The following SCRN1 variants were observed in gnomAD, a reference collection of about 807,000 sequenced individuals.
The protein encoded by SCRN1 is secernin 1.
SCRN1 carries 19 observed loss-of-function variants against 43.3 expected under a neutral mutation model. The observed-to-expected ratio is 0.44, with a 90% CI of 0.31 to 0.64. The LOEUF is 0.64. Among genes scored for constraint, SCRN1 ranks in the 30% least tolerant of loss-of-function variants. The probability of loss-of-function intolerance (pLI) is 0.09; values close to 1 mark genes in which losing one functional copy is unlikely to be tolerated. For synonymous variants in SCRN1, 183 were observed against 188.9 expected (o/e 0.97, Z 0.26); for missense variants, 447 against 524.1 (o/e 0.85, Z 1.44).
At chr7:29,968,884 C>T in intron 2 of SCRN1, 25 bp downstream of exon 2, 1 of 1,613,352 alleles carries the variant, frequency 6.2e-7, no homozygotes, top group Non-Finnish European at 8.5e-7. Flanking sequence ...GAGTGTGACT[C>T]GCGAGACTGC....
chr7:29,971,198 G>A (rs1434839548), intron 1 of SCRN1, among the ~76,000 whole-genome samples: 2 of 152,208 alleles, frequency 1.3e-5, no homozygotes, highest in Admixed American at 6.5e-5. Context: ...TGTGTGACCT[G>A]CTTAAGTCAC....
intron 1 of SCRN1, among the ~76,000 whole-genome samples, chr7:29,981,335 A>G (rs1562824434): frequency 1.3e-5 from 2 of 152,214 alleles, no homozygotes; most frequent in Non-Finnish European, 2.9e-5. Flanking sequence ...TACAAGCACT[A>G]TGTTCAACTG....
upstream of SCRN1, chr7:29,989,953 G>A (rs984959162): frequency 5.5e-5 from 75 of 1,357,988 alleles, no homozygotes; most frequent in South Asian, 1.1e-3. Flanking sequence ...CGTCGAGTAG[G>A]GAGGGGGCCT....
intron 2 of SCRN1, among the ~76,000 whole-genome samples, chr7:29,961,692 CA>C (rs1444888013): frequency 2.8e-4 from 42 of 152,008 alleles, no homozygotes; most frequent in African/African-American, 6.0e-4. Flanking sequence ...GCTGGCCGGG[CA>C]GAGGGGCTCT....
intron 3 of SCRN1, among the ~76,000 whole-genome samples, chr7:29,951,967 G>A (rs375114401): frequency 6.6e-6 from 1 of 152,322 alleles, no homozygotes; most frequent in East Asian, 1.9e-4. Flanking sequence ...GCCCTTGAAA[G>A]AGCATGTGAA....
rs767568829 is a variant in SCRN1 at position 29,924,229 on chromosome 7, C to T, written c.1087-114G>A. ...TTCCTGCTCAAGGTCCTGTCCTCCC[C>T]ACACTCCGTTTCACACACGACTGCC... is the stretch of plus-strand genomic sequence containing the variant. On this transcript the variant is annotated intron_variant, in intron 7 of 7. Coordinates refer to ENST00000242059, the MANE Select transcript of SCRN1 (RefSeq NM_014766.5). 11 of 1,012,854 alleles carry T rather than the reference C, an allele frequency of 1.1e-5. No individual in the cohort carries two copies. In the South Asian group the frequency reaches 1.1e-4, roughly 11 times the overall value. 62.7% of individuals were successfully genotyped at this position (1,012,854 alleles called of 1,614,324 possible).
At chr7:29,944,476 C>T (rs188235061) in intron 3 of SCRN1, among the ~76,000 whole-genome samples, 82 of 152,068 alleles carry the variant, frequency 5.4e-4, no homozygotes, top group African/African-American at 2.0e-3. Context: ...GCCTGGGCAA[C>T]ATAGCGAGAC....
intron 1 of SCRN1, among the ~76,000 whole-genome samples, chr7:29,981,875 C>T (rs190983387): frequency 1.3e-4 from 20 of 152,222 alleles, no homozygotes; most frequent in African/African-American, 4.3e-4. Context: ...CATGCCTAAG[C>T]GATGTTGAGA....
intron 6 of SCRN1, among the ~76,000 whole-genome samples, chr7:29,935,984 T>C (rs1464495699): frequency 6.6e-6 from 1 of 152,236 alleles, no homozygotes; most frequent in Non-Finnish European, 1.5e-5. Context: ...TTTTAGAGGC[T>C]GCATTCTTCA....
At chr7:29,975,031 C>T (rs150854734) in intron 1 of SCRN1, among the ~76,000 whole-genome samples, 18 of 152,272 alleles carry the variant, frequency 1.2e-4, no homozygotes, top group African/African-American at 4.1e-4. Context: ...ACACAAGAAA[C>T]TGGCTTTAAG....
rs548170856 is a variant in SCRN1 at position 29,950,549 on chromosome 7, G to A, written c.341+4630C>T. On this transcript the variant is annotated intron_variant, in intron 3 of 7. Transcript: ENST00000242059. This position sits in a 1 kb window ranked among gnomAD's most constrained non-coding sequence, Gnocchi z 4.5. ...GCCCGGAGGCTGGTCTGCTAGTTCC[G>A]GGTGGAGTACGCAGCCCAGAGTGAG... Among the ~76,000 whole-genome samples the A allele has an allele frequency of 6.8e-4, 104 of 152,328 alleles. 1 individual carries two copies. The South Asian group carries it at 0.019, about 28-fold the overall frequency.
intron 2 of SCRN1, among the ~76,000 whole-genome samples, chr7:29,959,872 C>T (rs1788249343): frequency 6.6e-6 from 1 of 151,108 alleles, no homozygotes; most frequent in South Asian, 2.1e-4. Context: ...ACTTCTGACT[C>T]CATACAAGAC....
intron 5 of SCRN1, among the ~76,000 whole-genome samples, chr7:29,937,047 A>G (rs1787363677): frequency 1.3e-5 from 2 of 151,946 alleles, no homozygotes; most frequent in African/African-American, 4.8e-5. Flanking sequence ...CTCTGTCTCA[A>G]AAAAACAAAC....
intron 1 of SCRN1, among the ~76,000 whole-genome samples, chr7:29,975,654 G>A (rs1788805974): frequency 2.0e-5 from 3 of 152,224 alleles, no homozygotes; most frequent in Admixed American, 2.0e-4. Flanking sequence ...ATGTTGAGAT[G>A]TAACATTTCT....
chr7:29,957,053 G>A (rs1788160453), intron 2 of SCRN1, among the ~76,000 whole-genome samples: 1 of 152,118 alleles, frequency 6.6e-6, no homozygotes, highest in African/African-American at 2.4e-5. Flanking sequence ...TGAGTAAATA[G>A]GAAAAGAATC....
intron 3 of SCRN1, among the ~76,000 whole-genome samples, chr7:29,948,401 ACT>A (rs1157132856): frequency 1.3e-5 from 2 of 152,186 alleles, no homozygotes; most frequent in African/African-American, 4.8e-5. Context: ...GGAAATAGTA[ACT>A]CTGATTACAC....
chr7:29,949,353 A>T (rs189696544), intron 3 of SCRN1, among the ~76,000 whole-genome samples: 2 of 149,768 alleles, frequency 1.3e-5, no homozygotes, highest in Admixed American at 1.3e-4. Flanking sequence ...ACAACCAGAA[A>T]GTAATTTCCC....
intron 3 of SCRN1, among the ~76,000 whole-genome samples, chr7:29,953,028 ATCTTCTGTG>A (rs1288667651): frequency 6.6e-6 from 1 of 152,214 alleles, no homozygotes; most frequent in Non-Finnish European, 1.5e-5. Flanking sequence ...TGACAAACAT[ATCTTCTGTG>A]TCTACCTCCC....
At chr7:29,926,280 T>G (rs1195435192) in intron 7 of SCRN1, among the ~76,000 whole-genome samples, 172 bp downstream of exon 7, 2 of 152,126 alleles carry the variant, frequency 1.3e-5, no homozygotes, top group Admixed American at 1.3e-4. Flanking sequence ...GGCAGGAAAA[T>G]GGACACCAGC....
Sources: allele counts gnomAD v4.1 joint callset (sites outside exome capture counted in the v4.1 genomes callset), GRCh38; gene constraint gnomAD v4.1.1; non-coding constraint Gnocchi (gnomAD v3.1); transcripts MANE v1.5; gene names NCBI Gene and HGNC (gene_info 2026-07-23, HGNC 2026-07-21).